The following ZNF507 variants were observed in gnomAD, a reference collection of about 807,000 sequenced individuals.
ZNF507 encodes the protein zinc finger protein 507.
In ZNF507, 29 loss-of-function variants were observed where a neutral mutation model predicts 80.0. The ratio of observed to expected loss-of-function variants is 0.36; its 90% CI spans 0.27 to 0.49. ZNF507 has a LOEUF of 0.49. Among genes scored for constraint, ZNF507 ranks in the 20% least tolerant of loss-of-function variants. The pLI is 0.98. For synonymous variants in ZNF507, 462 were observed against 422.5 expected (o/e 1.09, Z -1.15); for missense variants, 1,081 against 1,152.2 (o/e 0.94, Z 0.90).
chr19:32,357,447 A>C (rs1967268037), intron 4 of ZNF507: 1 of 152,102 alleles, frequency 6.6e-6, no homozygotes, highest in African/African-American at 2.4e-5. Context: ...GATAAGACAT[A>C]TTGGGGTGAC....
rs542501794 is a variant in ZNF507, at chr19:32,360,210, C to G, written c.2246-294C>G. Among the ~76,000 whole-genome samples, 111 of 152,290 alleles carry G rather than the reference C, an allele frequency of 7.3e-4. 2 individuals are homozygous for G. In the South Asian group the frequency reaches 0.021, roughly 29 times the overall value. Reference sequence around the variant, plus strand: ...CAGGGTGTCTCTGATTAATTTAGCTCCTACATAGCCAGAAGCAAGTTCATT... The same window carrying G: ...CAGGGTGTCTCTGATTAATTTAGCTGCTACATAGCCAGAAGCAAGTTCATT... On this transcript the variant is annotated intron_variant, in intron 4 of 6. Coordinates refer to ENST00000355898, the MANE Select transcript of ZNF507 (RefSeq NM_001136156.2).
chr19:32,350,007 A>G (rs953115914), intron 2 of ZNF507, among the ~76,000 whole-genome samples: 1 of 152,138 alleles, frequency 6.6e-6, no homozygotes, highest in Non-Finnish European at 1.5e-5. Context: ...TGTCATCACT[A>G]TTGAGCCACT....
intron 5 of ZNF507, among the ~76,000 whole-genome samples, chr19:32,364,032 C>A (rs1967364541): frequency 6.6e-6 from 1 of 152,210 alleles, no homozygotes; most frequent in African/African-American, 2.4e-5. Context: ...TACTTCCCCG[C>A]TCATAAGGCT....
chr19:32,380,596 CTT>C, intron 5 of ZNF507: 5 of 1,535,268 alleles, frequency 3.3e-6, no homozygotes, highest in Non-Finnish European at 4.4e-6. Flanking sequence ...GACTGTGTCT[CTT>C]ATTGGTGTAG....
At chr19:32,351,419 CTGTGTGTGTG>C (rs5823) in intron 2 of ZNF507, among the ~76,000 whole-genome samples, 1,011 of 52,828 alleles carry the variant, frequency 0.019, 28 homozygotes, top group African/African-American at 0.068. Context: ...AGCTGGTCAG[CTGTGTGTGTG>C]TGTGTGTGTG....
intron 2 of ZNF507, among the ~76,000 whole-genome samples, chr19:32,351,825 C>T (rs1599544843): frequency 1.3e-5 from 2 of 152,046 alleles, no homozygotes; most frequent in Admixed American, 1.3e-4. Context: ...TGATCCAAGT[C>T]AACAAATTAA....
At chr19:32,366,078 A>G (rs1045758281) in intron 5 of ZNF507, among the ~76,000 whole-genome samples, 1 of 152,148 alleles carries the variant, frequency 6.6e-6, no homozygotes, top group Non-Finnish European at 1.5e-5. Flanking sequence ...CAGTCCAAAA[A>G]TACCCATTTT....
chr19:32,352,968 TGTTATCCAGAA>T lies in ZNF507; in HGVS notation c.143_153del (p.Ile48LysfsTer7). 6.2e-7 allele frequency: 1 copy of T among 1,614,182 alleles called. No individual in the cohort carries two copies. The highest frequency in any genetic ancestry group is 8.5e-7 in the Non-Finnish European group (1 of 1,180,032). On this transcript the variant is annotated frameshift_variant, in exon 3 of 7. Transcript: ENST00000355898. LOFTEE classifies it high-confidence loss of function. ...AAACTAAACCAGATCCATTAATCCATGTTATCCAGAAGTTAAGCAAGATAGTGGAAAATGAA... is the reference window on the plus strand; with the variant it reads ...AAACTAAACCAGATCCATTAATCCATGTTAAGCAAGATAGTGGAAAATGAA...
chr19:32,355,925 G>A (rs1234367717), intron 3 of ZNF507, among the ~76,000 whole-genome samples: 2 of 152,096 alleles, frequency 1.3e-5, no homozygotes, highest in Non-Finnish European at 2.9e-5. Flanking sequence ...CCTGAACCTG[G>A]GAGGCGGAGC....
rs1339681668 is a variant in ZNF507 at position 32,383,461 on chromosome 19, T to C, written c.*378T>C. ...TCTAAAAGTCATAAAAGGGTCACAG[T>C]CTTAAGCAGAGCTTAGTTTTCTTCT... On this transcript the variant is annotated 3_prime_UTR_variant, in exon 7 of 7. Coordinates refer to ENST00000355898, the MANE Select transcript of ZNF507 (RefSeq NM_001136156.2). 5.9e-6 allele frequency: 1 copy of C among 170,674 alleles called. No homozygotes were observed. The highest frequency in any genetic ancestry group is 1.3e-5 in the Non-Finnish European group (1 of 78,924). 10.6% of individuals were successfully genotyped at this position (170,674 alleles called of 1,614,324 possible). A position where few individuals can be genotyped will look rare whatever the true frequency, so the allele number is the denominator to read the frequency against.
rs1376618029 is a variant in ZNF507 at position 32,356,698 on chromosome 19, C to G, written c.2210C>G (p.Ser737Cys). Residue 737 changes from serine to cysteine, a missense_variant, in exon 4 of 7, where the codon TCC (serine) becomes TGC (cysteine). This residue lies in a region of ZNF507 where 614 missense variants were observed against 583.9 expected (regional missense o/e 1.05). Coordinates refer to ENST00000355898, the MANE Select transcript of ZNF507 (RefSeq NM_001136156.2). ...SIATSNEPRI[S>C]SDTADGKCVQ... ...GCAACTTCTAATGAGCCAAGAATTTCCAGTGATACAGCTGATGGAAAATGT... is the reference window on the plus strand; with the variant it reads ...GCAACTTCTAATGAGCCAAGAATTTGCAGTGATACAGCTGATGGAAAATGT... 2 of 1,614,082 alleles carry G rather than the reference C, an allele frequency of 1.2e-6. No individual in the cohort carries two copies. Among genetic ancestry groups the G allele is most frequent in the South Asian group, 2.2e-5 (2 of 91,080 alleles).
At chr19:32,372,271 T>C (rs967886356) in intron 5 of ZNF507, among the ~76,000 whole-genome samples, 1 of 152,194 alleles carries the variant, frequency 6.6e-6, no homozygotes, top group African/African-American at 2.4e-5. Flanking sequence ...ATGCAAGTAA[T>C]TTTTTAGAAT....
At position 32,382,570 on chromosome 19, in the gene ZNF507, G is replaced by C; in HGVS notation, c.2464G>C (p.Ala822Pro). 1.2e-6 allele frequency: 2 copies of C among 1,614,078 alleles called. No individual in the cohort carries two copies. The highest frequency in any genetic ancestry group is 1.7e-6 in the Non-Finnish European group (2 of 1,179,996). Residue 822 changes from alanine (A) to proline (P), a missense_variant, in exon 6 of 7, where the codon GCT becomes CCT. Ala to Pro is a conservative substitution (Grantham distance 27). Around this residue, in one of 6 missense-constraint regions of ZNF507, gnomAD observed 138 missense variants for 158.4 expected, o/e 0.87. Transcript: ENST00000355898. ...TTACAACTACGAACAAGTAAACAAG[G>C]CTATTAACGACGCGATTTCACAAAG... The part of the protein sequence containing the change: ...QNYNYEQVNK[A>P]INDAISQSGR...
intron 3 of ZNF507, among the ~76,000 whole-genome samples, 175 bp from the exon 4 acceptor site, chr19:32,356,441 G>A (rs1403338654): frequency 6.6e-6 from 1 of 152,162 alleles, no homozygotes; most frequent in African/African-American, 2.4e-5. Context: ...ATTTGCTAAT[G>A]TACTTCTTTC....
At chr19:32,372,330 T>C (rs1187727069) in intron 5 of ZNF507, among the ~76,000 whole-genome samples, 1 of 152,146 alleles carries the variant, frequency 6.6e-6, no homozygotes, top group Admixed American at 6.5e-5. Context: ...GAATATAGAT[T>C]ATATAATCAG....
At chr19:32,370,975 G>A (rs542337524) in intron 5 of ZNF507, among the ~76,000 whole-genome samples, 2 of 152,274 alleles carry the variant, frequency 1.3e-5, no homozygotes, top group Admixed American at 1.3e-4. Flanking sequence ...ACCATTTATT[G>A]AAGAGACTGT....
In ZNF507 at chr19:32,354,371, A is replaced by G. The variant is rs1382977324; in HGVS notation, c.1541A>G (p.Asn514Ser). The part of the protein sequence containing the change: ...PIRAAELTRA[N>S]LGHYGDINLL... ...AGAGCTGCAGAGTTGACAAGAGCCAACCTGGGGCACTATGGAGATATAAAC... is the reference window on the plus strand; with the variant it reads ...AGAGCTGCAGAGTTGACAAGAGCCAGCCTGGGGCACTATGGAGATATAAAC... The change falls in exon 3 of 7, where the codon AAC becomes AGC. Residue 514 changes from asparagine to serine, a missense_variant. Asn to Ser is a conservative substitution (Grantham distance 46). Coordinates refer to ENST00000355898, the MANE Select transcript of ZNF507 (RefSeq NM_001136156.2). 1.2e-6 allele frequency: 2 copies of G among 1,614,190 alleles called. No individual in the cohort carries two copies. The highest frequency in any genetic ancestry group is 3.3e-5 in the Admixed American group (2 of 60,026).
intron 5 of ZNF507, among the ~76,000 whole-genome samples, chr19:32,369,939 C>CT (rs1411939823): frequency 6.6e-6 from 1 of 152,082 alleles, no homozygotes; most frequent in Admixed American, 6.5e-5. Context: ...CCACTCCTTC[C>CT]TTCTCTGTGT....
In ZNF507 at chr19:32,347,264, C is replaced by CAATCTTCAAGGGATTGGAT. The variant is rs1221967798; in HGVS notation, c.-77_-76insAATCTTCAAGGGATTGGAT. On this transcript the variant is annotated 5_prime_UTR_variant, in exon 2 of 7. Coordinates refer to ENST00000355898, the MANE Select transcript of ZNF507 (RefSeq NM_001136156.2). Reference sequence around the variant, plus strand: ...CCACAGCTGGATTTTGAAGATTGATCCAAGGGACTGTATTAATTTCAGGAA... The same window carrying CAATCTTCAAGGGATTGGAT: ...CCACAGCTGGATTTTGAAGATTGATCAATCTTCAAGGGATTGGATCAAGGGACTGTATTAATTTCAGGAA... The CAATCTTCAAGGGATTGGAT allele has an allele frequency of 6.6e-6, 1 of 152,624 alleles. No homozygotes were observed. Among genetic ancestry groups the CAATCTTCAAGGGATTGGAT allele is most frequent in the African/African-American group, 2.4e-5 (1 of 41,416 alleles). 9.5% of individuals were successfully genotyped at this position (152,624 alleles called of 1,614,324 possible).
Sources: allele counts gnomAD v4.1 joint callset (sites outside exome capture counted in the v4.1 genomes callset), GRCh38; gene constraint gnomAD v4.1.1; regional missense constraint gnomAD v4.1.1; transcripts MANE v1.5; gene names NCBI Gene and HGNC (gene_info 2026-07-23, HGNC 2026-07-21).